Variants in PRKCA observed in about 807,000 individuals in gnomAD.
PRKCA encodes protein kinase C alpha, also known as protein kinase C alpha type.
A neutral mutation model predicts 87.0 loss-of-function variants in PRKCA; 27 were observed. The ratio of observed to expected loss-of-function variants is 0.31; its 90% CI spans 0.23 to 0.43. PRKCA has a LOEUF of 0.43. PRKCA is among the 20% of genes least tolerant of loss of function. The pLI is 1.00. For missense variants in PRKCA, 518 were observed against 852.3 expected (o/e 0.61, Z 4.88); for synonymous variants, 329 against 311.1 (o/e 1.06, Z -0.61).
At chr17:66,582,989 A>G (rs1350777735) in intron 3 of PRKCA, among the ~76,000 whole-genome samples, 1 of 151,822 alleles carries the variant, frequency 6.6e-6, no homozygotes, top group Non-Finnish European at 1.5e-5. Flanking sequence ...CGTGTTACTT[A>G]CCCTCTCTGT....
chr17:66,770,973 C>T (rs966214164), intron 13 of PRKCA, among the ~76,000 whole-genome samples: 11 of 149,794 alleles, frequency 7.3e-5, no homozygotes, highest in Admixed American at 6.0e-4. Flanking sequence ...TGGGAGTGAG[C>T]GTGCTACTGT....
chr17:66,429,840 G>C (rs1226371038), intron 2 of PRKCA, among the ~76,000 whole-genome samples: 1 of 152,196 alleles, frequency 6.6e-6, no homozygotes, highest in East Asian at 1.9e-4. Flanking sequence ...AATGCTGGGA[G>C]TGGTGGTTTA....
intron 3 of PRKCA, among the ~76,000 whole-genome samples, chr17:66,506,188 T>C (rs1184007907): frequency 6.6e-6 from 1 of 151,834 alleles, no homozygotes; most frequent in African/African-American, 2.4e-5. Flanking sequence ...CCCGGTTACT[T>C]GGGAGGCTGA....
chr17:66,756,198 C>T (rs1974543855), intron 13 of PRKCA, among the ~76,000 whole-genome samples: 1 of 152,100 alleles, frequency 6.6e-6, no homozygotes, highest in African/African-American at 2.4e-5. Flanking sequence ...GTGAAATATG[C>T]CAGAGCATCC....
intron 5 of PRKCA, among the ~76,000 whole-genome samples, chr17:66,672,921 C>G (rs1236087539): frequency 6.6e-6 from 1 of 152,122 alleles, no homozygotes; most frequent in African/African-American, 2.4e-5. Context: ...TGTTGGTTCT[C>G]CCATGCAGAA....
intron 13 of PRKCA, among the ~76,000 whole-genome samples, chr17:66,756,818 T>C (rs746573273): frequency 1.3e-5 from 2 of 152,108 alleles, no homozygotes; most frequent in Non-Finnish European, 2.9e-5. Context: ...TGAGCCACCA[T>C]GCCCAGCTAA....
intron 3 of PRKCA, among the ~76,000 whole-genome samples, chr17:66,593,745 A>G (rs1277685573): frequency 1.3e-5 from 2 of 152,148 alleles, no homozygotes; most frequent in African/African-American, 4.8e-5. Context: ...GACTCTCCCT[A>G]TATTTGGAGG....
chr17:66,421,712 T>C (rs1912508621), intron 2 of PRKCA, among the ~76,000 whole-genome samples: 1 of 151,142 alleles, frequency 6.6e-6, no homozygotes, highest in South Asian at 2.1e-4. Context: ...TTTTTTTTTT[T>C]TTTTTCTTTT....
intron 8 of PRKCA, among the ~76,000 whole-genome samples, chr17:66,716,608 C>T (rs1318289370): frequency 2.0e-5 from 3 of 152,136 alleles, no homozygotes; most frequent in Admixed American, 6.5e-5. Flanking sequence ...AAGGCGTGCA[C>T]CACCAAGATT....
intron 8 of PRKCA, among the ~76,000 whole-genome samples, chr17:66,717,740 C>T (rs1273531579): frequency 1.3e-5 from 2 of 152,210 alleles, no homozygotes; most frequent in Non-Finnish European, 2.9e-5. Flanking sequence ...GTGAAGTTAG[C>T]TCTCTAGACC....
intron 2 of PRKCA, among the ~76,000 whole-genome samples, chr17:66,472,571 C>T (rs1915368880): frequency 6.6e-6 from 1 of 152,178 alleles, no homozygotes; most frequent in African/African-American, 2.4e-5. Context: ...GGGTTTAATG[C>T]TCAGTTGCCA....
At chr17:66,534,015 T>A (rs1967668205) in intron 3 of PRKCA, among the ~76,000 whole-genome samples, 1 of 152,164 alleles carries the variant, frequency 6.6e-6, no homozygotes, top group African/African-American at 2.4e-5. Context: ...TATGTGTTTC[T>A]GTCATTTAGA....
At chr17:66,657,187 A>G (rs1034580395) in intron 5 of PRKCA, among the ~76,000 whole-genome samples, 13 of 152,208 alleles carry the variant, frequency 8.5e-5, no homozygotes, top group Non-Finnish European at 1.6e-4. Flanking sequence ...GAGCATCCCC[A>G]TGAGGGACTT....
chr17:66,727,168 C>T (rs941947299), intron 8 of PRKCA, among the ~76,000 whole-genome samples: 8 of 150,764 alleles, frequency 5.3e-5, no homozygotes, highest in East Asian at 3.9e-4. Flanking sequence ...GATACTGCCA[C>T]GGGAAGGAAT....
intron 3 of PRKCA, among the ~76,000 whole-genome samples, chr17:66,563,998 CCTT>C (rs1968803571): frequency 2.8e-5 from 4 of 141,690 alleles, no homozygotes; most frequent in African/African-American, 8.3e-5. Flanking sequence ...TTCCTTCCTT[CCTT>C]CCTCCTTTCT....
At chr17:66,416,869 GA>G in intron 2 of PRKCA, 1 of 153,374 alleles carries the variant, frequency 6.5e-6, no homozygotes, top group South Asian at 2.1e-4. Context: ...CACAGTATTG[GA>G]AAAGGTTCTG....
chr17:66,371,561 C>T (rs1490024561), intron 2 of PRKCA, among the ~76,000 whole-genome samples: 1 of 152,142 alleles, frequency 6.6e-6, no homozygotes, highest in African/African-American at 2.4e-5. Flanking sequence ...TATTTAACTC[C>T]CAGTTTTTTT....
intron 3 of PRKCA, among the ~76,000 whole-genome samples, chr17:66,573,683 A>T (rs993981129): frequency 2.0e-5 from 3 of 152,190 alleles, no homozygotes; most frequent in African/African-American, 7.2e-5. Flanking sequence ...CTTTGACATT[A>T]TGCTTTGTTG....
At chr17:66,472,324 T>C (rs1915359464) in intron 2 of PRKCA, among the ~76,000 whole-genome samples, 1 of 152,170 alleles carries the variant, frequency 6.6e-6, no homozygotes, top group African/African-American at 2.4e-5. Flanking sequence ...GACCTTTGTC[T>C]TCTGGTTCCA....
Sources: gnomAD v4.1 joint callset for allele counts (sites outside exome capture counted in the v4.1 genomes callset) on GRCh38, gnomAD v4.1.1 for gene constraint, MANE v1.5 for transcripts, NCBI Gene and HGNC (gene_info 2026-07-23, HGNC 2026-07-21) for gene names.